FHIP2B: variants seen among roughly 807,000 people sequenced by gnomAD.
The protein encoded by FHIP2B is FHF complex subunit HOOK interacting protein 2B.
A neutral mutation model predicts 84.0 loss-of-function variants in FHIP2B; 72 were observed. The ratio of observed to expected loss-of-function variants is 0.86; its 90% CI spans 0.71 to 1.04. The LOEUF is 1.04. FHIP2B is among the 50% of genes least tolerant of loss of function. FHIP2B has a pLI of 0.00. For missense variants in FHIP2B, 972 were observed against 968.9 expected (o/e 1.00, Z -0.04); for synonymous variants, 497 against 418.7 (o/e 1.19, Z -2.28).
At chr8:22,096,115 T>A (rs1399976986) in intron 2 of FHIP2B, 1 of 488,808 alleles carries the variant, frequency 2.0e-6, no homozygotes, top group East Asian at 3.6e-5. Flanking sequence ...TGGGCATGCA[T>A]GCGTTCTCAG....
chr8:22,090,937 T>C (rs1825458788), intron 1 of FHIP2B, among the ~76,000 whole-genome samples: 1 of 152,138 alleles, frequency 6.6e-6, no homozygotes, highest in Admixed American at 6.6e-5. Flanking sequence ...ATTCTAAGGC[T>C]TCCAATGACA....
At chr8:22,101,003 T>C in intron 12 of FHIP2B, 31 bp downstream of exon 12, 1 of 1,596,648 alleles carries the variant, frequency 6.3e-7, no homozygotes, top group Non-Finnish European at 8.5e-7. Context: ...TCTGAACCAC[T>C]TGAGTTTTAT....
chr8:22,091,351 C>T (rs1308504710), intron 1 of FHIP2B, among the ~76,000 whole-genome samples: 1 of 150,368 alleles, frequency 6.7e-6, no homozygotes, highest in Non-Finnish European at 1.5e-5. Flanking sequence ...TCAAGTGGTT[C>T]TCCTGCCTCA....
Position 22,103,119 on chromosome 8 carries a change from C to A in FHIP2B, c.*188C>A. ...ATGGGCATGCCAGGTGCCAAGGAGC[C>A]AAACAGATGGCTTTCCAGGCAGCAA... On this transcript the variant is annotated 3_prime_UTR_variant, in exon 17 of 17. Coordinates refer to ENST00000289921, the MANE Select transcript of FHIP2B (RefSeq NM_022749.7). 1.3e-6 allele frequency: 1 copy of A among 757,418 alleles called. No homozygotes were observed. Among genetic ancestry groups the A allele is most frequent in the Non-Finnish European group, 2.1e-6 (1 of 482,830 alleles). The allele number at this position is 757,418 out of a possible 1,614,324, so 46.9% of individuals were successfully genotyped here.
Position 22,094,538 on chromosome 8 carries a change from A to T in FHIP2B, c.124+20A>T. ...GCACAGGTGCGGCCTGGCCCTCCCC[A>T]GCCCAGGGACCCTGGAGGGAGCGGG... is the stretch of plus-strand genomic sequence containing the variant. On this transcript the variant is annotated intron_variant, in intron 2 of 16. Coordinates refer to ENST00000289921, the MANE Select transcript of FHIP2B (RefSeq NM_022749.7). 13 of 1,609,044 alleles carry T rather than the reference A, an allele frequency of 8.1e-6. No individual in the cohort carries two copies. Among genetic ancestry groups the T allele is most frequent in the Non-Finnish European group, 1.0e-5 (12 of 1,178,156 alleles).
chr8:22,096,429 G>A lies in FHIP2B; in HGVS notation c.217G>A (p.Ala73Thr), dbSNP rs11548864. 246 of 1,556,040 alleles carry A rather than the reference G, an allele frequency of 1.6e-4. 1 individual carries two copies. Among genetic ancestry groups the A allele is most frequent in the South Asian group, 1.3e-3 (109 of 84,096 alleles). ...GTATGAAGAGCAGCAGCAGGCGGCCGCGGGTGAGGCAGGGCCCTGCCTGGA... is the reference window on the plus strand; with the variant it reads ...GTATGAAGAGCAGCAGCAGGCGGCCACGGGTGAGGCAGGGCCCTGCCTGGA... Reference protein sequence around the residue: ...LVYEEQQQAAAGEAGPCLEYL... With the variant: ...LVYEEQQQAATGEAGPCLEYL... The change falls in exon 3 of 17, where the codon GCG becomes ACG. Residue 73 changes from alanine (A) to threonine (T), a missense_variant. By Grantham distance (58) the Ala-to-Thr change is moderately conservative. Transcript: ENST00000289921.
chr8:22,100,021 G>A, intron 10 of FHIP2B, 128 bp downstream of exon 10: 1 of 951,128 alleles, frequency 1.1e-6, no homozygotes, highest in Non-Finnish European at 1.5e-6. Context: ...GCAAAACACT[G>A]CCGAGCCACT....
chr8:22,102,151 G>A (rs757679550), intron 14 of FHIP2B, 24 bp from the exon 15 acceptor site: 8 of 1,613,106 alleles, frequency 5.0e-6, no homozygotes, highest in South Asian at 1.1e-5. Context: ...CCAGCCCTCG[G>A]CTCTGTCCAC....
Position 22,094,407 on chromosome 8 carries a change from C to A in FHIP2B, c.46-33C>A, listed in dbSNP as rs1341128174. On this transcript the variant is annotated intron_variant, in intron 1 of 16. Coordinates refer to ENST00000289921, the MANE Select transcript of FHIP2B (RefSeq NM_022749.7). Reference sequence around the variant, plus strand: ...GGCAGGGGCTCCCTGGCCTTTGTGGCCCCCACTGAGGTTGTGTGTCTGCCC... The same window carrying A: ...GGCAGGGGCTCCCTGGCCTTTGTGGACCCCACTGAGGTTGTGTGTCTGCCC... The A allele has an allele frequency of 2.6e-6, 4 of 1,563,908 alleles. No homozygotes were observed. The South Asian group carries it at 4.7e-5, about 18-fold the overall frequency.
chr8:22,102,452 C>G (rs925585721), intron 15 of FHIP2B, 76 bp from the exon 16 acceptor site: 44 of 1,525,222 alleles, frequency 2.9e-5, no homozygotes, highest in Non-Finnish European at 3.7e-5. Context: ...CTCCCATGCT[C>G]TGCATGGTGT....
chr8:22,089,609 C>T (rs1825360343), intron 1 of FHIP2B, among the ~76,000 whole-genome samples: 1 of 152,060 alleles, frequency 6.6e-6, no homozygotes, highest in South Asian at 2.1e-4. Context: ...CCGGGACGCT[C>T]CCTGTCACCG....
In FHIP2B at chr8:22,101,728, C is replaced by T. The variant is rs781410782; in HGVS notation, c.1728C>T (p.Arg576=). The T allele has an allele frequency of 1.2e-5, 20 of 1,612,376 alleles. No individual in the cohort carries two copies. Among genetic ancestry groups the T allele is most frequent in the Non-Finnish European group, 1.4e-5 (17 of 1,179,338 alleles). The change falls in exon 14 of 17, where the codon CGC becomes CGT. Residue 576 remains arginine, a synonymous_variant. Coordinates refer to ENST00000289921, the MANE Select transcript of FHIP2B (RefSeq NM_022749.7). ...AYGLFQECSS[R]VASWGWPLTP... ...CTCAGTTCCAGGAGTGCAGCTCCCG[C>T]GTCGCCTCCTGGGGCTGGCCTCTGA...
intron 3 of FHIP2B, among the ~76,000 whole-genome samples, chr8:22,097,243 A>G (rs11776748): frequency 0.39 from 59,896 of 151,658 alleles, 12,001 homozygotes; most frequent in Middle Eastern, 0.53. Context: ...CTGAGGGAGG[A>G]GTTGAGCCTG....
chr8:22,097,455 C>T, intron 3 of FHIP2B, 61 bp from the exon 4 acceptor site: 1 of 1,483,470 alleles, frequency 6.7e-7, no homozygotes, highest in Non-Finnish European at 9.2e-7. Context: ...GCCTCAGTAC[C>T]CGCCAGGCAT....
Position 22,103,038 on chromosome 8 carries a change from C to A in FHIP2B, c.*107C>A. 4.3e-6 allele frequency: 6 copies of A among 1,394,792 alleles called. No homozygotes were observed. The highest frequency in any genetic ancestry group is 5.8e-6 in the Non-Finnish European group (6 of 1,041,618). The allele number at this position is 1,394,792 out of a possible 1,614,324, so 86.4% of individuals were successfully genotyped here. The stretch of plus-strand genomic sequence containing the variant: ...CCTCCTGGGATGGGGCTTCTGCTCC[C>A]GGGCTCACTCAAGGAGACTGCGGCA... On this transcript the variant is annotated 3_prime_UTR_variant, in exon 17 of 17. Coordinates refer to ENST00000289921, the MANE Select transcript of FHIP2B (RefSeq NM_022749.7).
Position 22,096,483 on chromosome 8 carries a change from A to G in FHIP2B, c.271A>G (p.Thr91Ala). 1 of 1,544,130 alleles carries G rather than the reference A, an allele frequency of 6.5e-7. No homozygotes were observed. The highest frequency in any genetic ancestry group is 1.2e-5 in the South Asian group (1 of 82,210). The change falls in exon 3 of 17, where the codon ACT (threonine) becomes GCT (alanine). Residue 91 changes from threonine (T) to alanine (A), a missense_variant. By Grantham distance (58) the Thr-to-Ala change is moderately conservative. Coordinates refer to ENST00000289921, the MANE Select transcript of FHIP2B (RefSeq NM_022749.7). ...EYLLQHKILE[T>A]LCTLGKAEYP... ...CCTGCTGCAGCACAAGATCCTGGAG[A>G]CTCTCTGCACGCTGGGCAAGGCCGA...
chr8:22,089,927 C>T (rs780623882), intron 1 of FHIP2B: 15 of 1,064,828 alleles, frequency 1.4e-5, no homozygotes, highest in Non-Finnish European at 1.9e-5. Flanking sequence ...ATGTTTCCAG[C>T]GTGGCTGTGA....
chr8:22,093,831 C>T (rs370016827), intron 1 of FHIP2B, among the ~76,000 whole-genome samples: 6 of 149,586 alleles, frequency 4.0e-5, no homozygotes, highest in Admixed American at 1.3e-4. Context: ...GATCCTCGCA[C>T]CCCAGCCTCC....
chr8:22,089,183 C>A lies in FHIP2B; in HGVS notation c.-71C>A. On this transcript the variant is annotated 5_prime_UTR_variant, in exon 1 of 17. Transcript: ENST00000289921. ...CGTCGCGCCGGGGCCGCCGGGGCCACGGGGCTGCCTCCTCCGCCTAGAGCG... is the reference window on the plus strand; with the variant it reads ...CGTCGCGCCGGGGCCGCCGGGGCCAAGGGGCTGCCTCCTCCGCCTAGAGCG... 2 of 984,504 alleles carry A rather than the reference C, an allele frequency of 2.0e-6. No individual in the cohort carries two copies. The highest frequency in any genetic ancestry group is 1.7e-5 in the African/African-American group (1 of 57,166). 61.0% of individuals were successfully genotyped at this position (984,504 alleles called of 1,614,324 possible).
Sources: gnomAD v4.1 joint callset for allele counts (sites outside exome capture counted in the v4.1 genomes callset) on GRCh38, gnomAD v4.1.1 for gene constraint, MANE v1.5 for transcripts, NCBI Gene and HGNC (gene_info 2026-07-23, HGNC 2026-07-21) for gene names.